The following FBXO7 variants were observed in gnomAD, a reference collection of about 807,000 sequenced individuals.
The protein encoded by FBXO7 is F-box only protein 7.
FBXO7 carries 31 observed loss-of-function variants against 50.2 expected under a neutral mutation model. The ratio of observed to expected loss-of-function variants is 0.62; its 90% CI spans 0.46 to 0.83. The LOEUF (loss-of-function observed/expected upper bound fraction) is 0.83, where lower values mean the gene tolerates loss of function less well. Among genes scored for constraint, FBXO7 ranks in the 40% least tolerant of loss-of-function variants. The pLI is 0.00. For synonymous variants in FBXO7, 256 were observed against 253.1 expected (o/e 1.01, Z -0.11); for missense variants, 667 against 646.6 (o/e 1.03, Z -0.34).
intron 5 of FBXO7, chr22:32,488,653 G>A (rs1480376093): frequency 1.3e-5 from 2 of 152,220 alleles, no homozygotes; most frequent in Non-Finnish European, 2.9e-5. Flanking sequence ...TGACATTGTT[G>A]CTTTGAAGGC....
At chr22:32,479,400 T>A (rs1045182659) in intron 2 of FBXO7, 125 bp downstream of exon 2, 7 of 856,844 alleles carry the variant, frequency 8.2e-6, no homozygotes, top group Non-Finnish European at 1.2e-5. Context: ...TATATTTTTT[T>A]CTTTTTTTTT....
At chr22:32,489,904 A>G (rs2057523342) in intron 5 of FBXO7, 1 of 152,256 alleles carries the variant, frequency 6.6e-6, no homozygotes, top group Non-Finnish European at 1.5e-5. Context: ...AAATAGTTAC[A>G]TACCAGGTTG....
In FBXO7 at chr22:32,483,916, T is replaced by C. The variant is rs1435872093; in HGVS notation, c.437T>C (p.Phe146Ser). 3 of 1,614,064 alleles carry C rather than the reference T, an allele frequency of 1.9e-6. No homozygotes were observed. Among genetic ancestry groups the C allele is most frequent in the Non-Finnish European group, 2.5e-6 (3 of 1,180,018 alleles). The change falls in exon 3 of 9, where the codon TTT becomes TCT. Residue 146 changes from phenylalanine (F) to serine (S), a missense_variant. Coordinates refer to ENST00000266087, the MANE Select transcript of FBXO7 (RefSeq NM_012179.4). The part of the protein sequence containing the change: ...DDSMLGPSQN[F>S]EAESIQDNAH... The stretch of plus-strand genomic sequence containing the variant: ...TTTCAGTTAGGGCCTAGTCAAAATT[T>C]TGAAGCTGAGTCAATTCAAGATAAT...
At chr22:32,479,365 T>C in intron 2 of FBXO7, 90 bp downstream of exon 2, 1 of 1,222,380 alleles carries the variant, frequency 8.2e-7, no homozygotes, top group Non-Finnish European at 1.2e-6. Context: ...AGGATAATTA[T>C]CATCGATAGA....
intron 2 of FBXO7, among the ~76,000 whole-genome samples, chr22:32,480,563 C>T (rs974980307): frequency 2.0e-5 from 3 of 152,128 alleles, no homozygotes; most frequent in African/African-American, 7.2e-5. Context: ...TATATTTCTA[C>T]CCATCTTCCT....
chr22:32,477,164 A>G (rs1340759559), intron 1 of FBXO7, among the ~76,000 whole-genome samples: 1 of 152,230 alleles, frequency 6.6e-6, no homozygotes. Flanking sequence ...CTTGTTTTCT[A>G]GCAAACAGGA....
chr22:32,485,492 A>G (rs1318966591), intron 4 of FBXO7, among the ~76,000 whole-genome samples: 6 of 152,316 alleles, frequency 3.9e-5, no homozygotes, highest in East Asian at 1.9e-4. Context: ...ATATTATCCA[A>G]TATTATCAGT....
chr22:32,498,035 A>G (rs1378128340), intron 8 of FBXO7, 109 bp from the exon 9 acceptor site: 5 of 1,244,426 alleles, frequency 4.0e-6, no homozygotes, highest in Non-Finnish European at 5.8e-6. Flanking sequence ...AATCCACAAT[A>G]TGTCTGAGGT....
chr22:32,476,967 G>A (rs537188297), intron 1 of FBXO7, among the ~76,000 whole-genome samples: 49 of 152,262 alleles, frequency 3.2e-4, no homozygotes, highest in African/African-American at 1.0e-3. Flanking sequence ...ACAGATACTT[G>A]AACGTACCTT....
intron 8 of FBXO7, among the ~76,000 whole-genome samples, chr22:32,497,123 C>G (rs186517465): frequency 0.011 from 1,642 of 152,290 alleles, 25 homozygotes; most frequent in African/African-American, 0.038. Context: ...TGAGAACTTG[C>G]TTCTTACGGA....
At chr22:32,479,653 C>T (rs1212744848) in intron 2 of FBXO7, among the ~76,000 whole-genome samples, 1 of 152,092 alleles carries the variant, frequency 6.6e-6, no homozygotes, top group African/African-American at 2.4e-5. Flanking sequence ...CCTCGGCCTC[C>T]CAAAGTGCTG....
chr22:32,486,893 A>G (rs1429118661), intron 4 of FBXO7, among the ~76,000 whole-genome samples: 2 of 152,198 alleles, frequency 1.3e-5, no homozygotes, highest in African/African-American at 2.4e-5. Flanking sequence ...ATAACTTGCA[A>G]GGTTGGAGTT....
intron 2 of FBXO7, 66 bp downstream of exon 2, chr22:32,479,341 A>T: frequency 1.4e-6 from 2 of 1,432,570 alleles, no homozygotes; most frequent in Non-Finnish European, 2.0e-6. Flanking sequence ...CCTCAGTTGA[A>T]TTCTGTTCCA....
At chr22:32,475,210 T>C (rs2057418571) in intron 1 of FBXO7, 86 bp downstream of exon 1, 1 of 1,510,102 alleles carries the variant, frequency 6.6e-7, no homozygotes, top group South Asian at 1.2e-5. Context: ...ATCTGTGGGC[T>C]GCAGGCGCGG....
chr22:32,485,124 T>A lies in FBXO7; in HGVS notation c.702T>A (p.Tyr234Ter). Reference sequence around the variant, plus strand: ...AGAAGTGGAAGTTGAGCGGGGTGTATAAGCTGCAGTACATGCATCCTCTCT... The same window carrying A: ...AGAAGTGGAAGTTGAGCGGGGTGTAAAAGCTGCAGTACATGCATCCTCTCT... ...MPEKWKLSGVYKLQYMHPLCE... is the reference protein window; with the variant it reads ...MPEKWKLSGV Residue 234 changes from tyrosine to a stop codon, truncating the protein, a stop_gained, in exon 4 of 9, where the codon TAT becomes TAA. Coordinates refer to ENST00000266087, the MANE Select transcript of FBXO7 (RefSeq NM_012179.4). LOFTEE classifies it high-confidence loss of function. 1 of 1,614,218 alleles carries A rather than the reference T, an allele frequency of 6.2e-7. No individual in the cohort carries two copies. Among genetic ancestry groups the A allele is most frequent in the Non-Finnish European group, 8.5e-7 (1 of 1,180,032 alleles).
intron 2 of FBXO7, among the ~76,000 whole-genome samples, chr22:32,480,826 T>C (rs1424407056): frequency 6.6e-6 from 1 of 151,910 alleles, no homozygotes; most frequent in Admixed American, 6.6e-5. Flanking sequence ...CCACCACGCC[T>C]GGCTAATTTT....
At position 32,477,069 on chromosome 22, in the gene FBXO7, A is replaced by G. The variant is rs201355366; in HGVS notation, c.123-1912A>G. ...TTGAGGTGTTTTTGCTTTTTCTGCC[A>G]AAGTTGGGGTGGTGTTTTTGTGGGC... On this transcript the variant is annotated intron_variant, in intron 1 of 8. Coordinates refer to ENST00000266087, the MANE Select transcript of FBXO7 (RefSeq NM_012179.4). Among the ~76,000 whole-genome samples the G allele has an allele frequency of 2.6e-5, 4 of 152,304 alleles. No homozygotes were observed. The East Asian group carries it at 5.8e-4, about 22-fold the overall frequency.
intron 5 of FBXO7, 44 bp from the exon 6 acceptor site, chr22:32,491,042 T>TC (rs760672533): frequency 1.7e-5 from 23 of 1,384,790 alleles, no homozygotes; most frequent in Non-Finnish European, 1.6e-5. Flanking sequence ...GACAGTTTTT[T>TC]CACTTGATTT....
rs1232347641 is a variant in FBXO7, at chr22:32,491,198, T to C, written c.967+17T>C. On this transcript the variant is annotated intron_variant, in intron 6 of 8. Coordinates refer to ENST00000266087, the MANE Select transcript of FBXO7 (RefSeq NM_012179.4). ...CCCGACAAGGTAAGAGATGAAATAC[T>C]GTCACAATTTAAATGACTGTAAAGA... 13 of 1,494,824 alleles carry C rather than the reference T, an allele frequency of 8.7e-6. No individual in the cohort carries two copies. Among genetic ancestry groups the C allele is most frequent in the Non-Finnish European group, 1.2e-5 (13 of 1,071,994 alleles). The allele number at this position is 1,494,824 out of a possible 1,614,324, so 92.6% of individuals were successfully genotyped here.
Sources: gnomAD v4.1 joint callset for allele counts (sites outside exome capture counted in the v4.1 genomes callset) on GRCh38, gnomAD v4.1.1 for gene constraint, MANE v1.5 for transcripts, NCBI Gene and HGNC (gene_info 2026-07-23, HGNC 2026-07-21) for gene names.